The following ZNF423 variants were observed in gnomAD, a reference collection of about 807,000 sequenced individuals.
ZNF423 encodes the protein Ebf-associated zinc finger protein.
In ZNF423, 12 loss-of-function variants were observed where a neutral mutation model predicts 95.8. The ratio of observed to expected loss-of-function variants is 0.13; its 90% CI spans 0.08 to 0.20. The LOEUF is 0.20. ZNF423 is among the 10% of genes least tolerant of loss of function. The probability of loss-of-function intolerance (pLI) is 1.00; values close to 1 mark genes in which losing one functional copy is unlikely to be tolerated. For missense variants in ZNF423, 1,316 were observed against 1,737.1 expected (o/e 0.76, Z 4.31); for synonymous variants, 749 against 711.9 (o/e 1.05, Z -0.83).
At chr16:49,517,390 C>G (rs947917967) in intron 7 of ZNF423, among the ~76,000 whole-genome samples, 1 of 152,206 alleles carries the variant, frequency 6.6e-6, no homozygotes, top group Non-Finnish European at 1.5e-5. Flanking sequence ...TCTTAAAATG[C>G]TCGAAGACAA....
intron 3 of ZNF423, among the ~76,000 whole-genome samples, chr16:49,669,327 C>T (rs1318260280): frequency 6.8e-6 from 1 of 148,130 alleles, no homozygotes; most frequent in Non-Finnish European, 1.5e-5. Flanking sequence ...GAAACTCCGT[C>T]TCAAAAAAAA....
chr16:49,745,376 A>T (rs2033500205), intron 2 of ZNF423, among the ~76,000 whole-genome samples: 1 of 152,248 alleles, frequency 6.6e-6, no homozygotes, highest in East Asian at 1.9e-4. Context: ...ATTCAGGGGC[A>T]ATAATTCTAT....
intron 3 of ZNF423, among the ~76,000 whole-genome samples, chr16:49,679,100 G>A (rs1450397679): frequency 6.6e-6 from 1 of 152,186 alleles, no homozygotes; most frequent in Non-Finnish European, 1.5e-5. Flanking sequence ...GTGCCACCAT[G>A]CCTGAAAAAT....
intron 5 of ZNF423, among the ~76,000 whole-genome samples, chr16:49,528,194 G>A (rs567576978): frequency 2.0e-5 from 3 of 152,192 alleles, no homozygotes; most frequent in South Asian, 4.2e-4. Context: ...CACAAACACC[G>A]AGAGGACAAA....
intron 5 of ZNF423, among the ~76,000 whole-genome samples, chr16:49,587,417 G>A (rs1168646678): frequency 2.0e-5 from 3 of 152,206 alleles, no homozygotes; most frequent in African/African-American, 7.2e-5. Context: ...CAGGTGGGAA[G>A]AGTGAGGCTA....
At chr16:49,695,013 C>G (rs902509018) in intron 3 of ZNF423, among the ~76,000 whole-genome samples, 1 of 152,216 alleles carries the variant, frequency 6.6e-6, no homozygotes, top group Admixed American at 6.5e-5. Flanking sequence ...TTCCACTTAC[C>G]CTGAGACCCA....
At chr16:49,754,653 C>T (rs894537382) in intron 2 of ZNF423, among the ~76,000 whole-genome samples, 1 of 152,156 alleles carries the variant, frequency 6.6e-6, no homozygotes, top group East Asian at 1.9e-4. Context: ...TCTCAGCAGC[C>T]GTAACACATG....
At chr16:49,835,644 G>C (rs1374323261) in intron 1 of ZNF423, among the ~76,000 whole-genome samples, 1 of 152,068 alleles carries the variant, frequency 6.6e-6, no homozygotes, top group Non-Finnish European at 1.5e-5. Context: ...ACCCGGCATG[G>C]CCCAAAAAAA....
intron 1 of ZNF423, among the ~76,000 whole-genome samples, chr16:49,845,674 G>A (rs2035237907): frequency 6.6e-6 from 1 of 151,636 alleles, no homozygotes; most frequent in Admixed American, 6.6e-5. Flanking sequence ...CTAAGTAGCT[G>A]GGACTACAGG....
intron 3 of ZNF423, among the ~76,000 whole-genome samples, chr16:49,699,030 T>A (rs1212593245): frequency 6.6e-6 from 1 of 152,196 alleles, no homozygotes; most frequent in South Asian, 2.1e-4. Flanking sequence ...CCAAAATCAA[T>A]GTGCACTCAC....
At chr16:49,790,202 T>C (rs2034389308) in intron 1 of ZNF423, among the ~76,000 whole-genome samples, 1 of 152,208 alleles carries the variant, frequency 6.6e-6, no homozygotes, top group Admixed American at 6.5e-5. Context: ...TAAAGCTGGG[T>C]TATGGACTTT....
chr16:49,770,530 C>T (rs1317929272), intron 2 of ZNF423, among the ~76,000 whole-genome samples: 2 of 152,136 alleles, frequency 1.3e-5, no homozygotes, highest in East Asian at 3.9e-4. Context: ...ATGTGGTCGT[C>T]ATAGGCTCTG....
chr16:49,761,828 AAGAG>A (rs1204423039), intron 2 of ZNF423, among the ~76,000 whole-genome samples: 2 of 152,178 alleles, frequency 1.3e-5, no homozygotes, highest in Non-Finnish European at 2.9e-5. Context: ...ATCCTTTAAA[AAGAG>A]AGAGAGACAG....
At chr16:49,507,646 C>T (rs1247472130) in intron 7 of ZNF423, among the ~76,000 whole-genome samples, 1 of 152,122 alleles carries the variant, frequency 6.6e-6, no homozygotes, top group Admixed American at 6.5e-5. Flanking sequence ...ACTCCCACCA[C>T]AAGCCCCACT....
In ZNF423 at chr16:49,638,597, G is replaced by A. The variant is rs1239456408; in HGVS notation, c.579C>T (p.Ile193=). 3.1e-6 allele frequency: 5 copies of A among 1,613,898 alleles called. No individual in the cohort carries two copies. In the South Asian group the frequency reaches 4.4e-5, roughly 14 times the overall value. The part of the protein sequence containing the change: ...FKHKRSRDRH[I]KLHTGDKKYH... ...ACTTCTTGTCGCCCGTATGCAGCTT[G>A]ATGTGCCGGTCACGGCTCCTCTTGT... Residue 193 remains isoleucine (I), a synonymous_variant, in exon 4 of 8, where the codon ATC becomes ATT. Transcript: ENST00000563137. This position sits in a 1 kb window ranked among gnomAD's most constrained non-coding sequence, Gnocchi z 5.6.
intron 5 of ZNF423, among the ~76,000 whole-genome samples, chr16:49,590,965 G>C (rs1203408911): frequency 6.6e-6 from 1 of 152,194 alleles, no homozygotes; most frequent in Non-Finnish European, 1.5e-5. Flanking sequence ...AGCTCCAACG[G>C]GAAATTTAAA....
At chr16:49,794,504 A>G (rs541111234) in intron 1 of ZNF423, among the ~76,000 whole-genome samples, 91 of 152,072 alleles carry the variant, frequency 6.0e-4, no homozygotes, top group Non-Finnish European at 2.9e-4. Context: ...GGCCCCCCAC[A>G]CAAGCTCTGT....
intron 5 of ZNF423, among the ~76,000 whole-genome samples, chr16:49,612,554 A>G (rs1415374616): frequency 6.6e-6 from 1 of 152,038 alleles, no homozygotes; most frequent in Admixed American, 6.5e-5. Flanking sequence ...TACAAAGAAA[A>G]CCTATAGCTG....
intron 2 of ZNF423, among the ~76,000 whole-genome samples, chr16:49,780,946 A>G (rs1018253508): frequency 2.0e-5 from 3 of 152,234 alleles, no homozygotes; most frequent in African/African-American, 7.2e-5. Flanking sequence ...CTCAAGCACA[A>G]AAGGTGGACG....
Sources: allele counts gnomAD v4.1 joint callset (sites outside exome capture counted in the v4.1 genomes callset), GRCh38; gene constraint gnomAD v4.1.1; non-coding constraint Gnocchi (gnomAD v3.1); transcripts MANE v1.5; gene names NCBI Gene and HGNC (gene_info 2026-07-23, HGNC 2026-07-21).